The following PRDM16 variants were observed in gnomAD, a reference collection of about 807,000 sequenced individuals.
PRDM16 encodes PR/SET domain 16.
Under a neutral mutation model 110.6 loss-of-function variants are expected in PRDM16, and 23 were observed. The observed-to-expected ratio is 0.21, with a 90% CI of 0.15 to 0.29. The LOEUF is 0.29. Ranked by LOEUF, PRDM16 falls within the 10% of genes least tolerant of loss-of-function variation. The pLI is 1.00. For synonymous variants in PRDM16, 799 were observed against 781.8 expected (o/e 1.02, Z -0.37); for missense variants, 1,615 against 1,794.3 (o/e 0.90, Z 1.81).
At chr1:3,410,169 G>A (rs953281426) in intron 8 of PRDM16, among the ~76,000 whole-genome samples, 1 of 152,032 alleles carries the variant, frequency 6.6e-6, no homozygotes, top group African/African-American at 2.4e-5. Flanking sequence ...CTGTGTGTGT[G>A]CATGTGTAGA....
chr1:3,366,771 A>G (rs1409983133), intron 3 of PRDM16, among the ~76,000 whole-genome samples: 1 of 152,120 alleles, frequency 6.6e-6, no homozygotes, highest in Non-Finnish European at 1.5e-5. Flanking sequence ...GTTTATTATT[A>G]TTTATTTTAT....
chr1:3,159,655 C>T (rs1246423956), intron 1 of PRDM16, among the ~76,000 whole-genome samples: 2 of 152,186 alleles, frequency 1.3e-5, no homozygotes, highest in African/African-American at 2.4e-5. Flanking sequence ...TCAGCCCACA[C>T]GGGTGGGTGG....
At chr1:3,181,433 CACAAGCAGTCTT>C (rs1644179093) in intron 1 of PRDM16, among the ~76,000 whole-genome samples, 2 of 62,562 alleles carry the variant, frequency 3.2e-5, no homozygotes, top group African/African-American at 4.5e-5. Flanking sequence ...CGCGGTCTTA[CACAAGCAGTCTT>C]ACACGGTCTT....
In PRDM16 at chr1:3,425,948, C is replaced by T; in HGVS notation, c.3110-103C>T. On this transcript the variant is annotated intron_variant, in intron 13 of 16. Coordinates refer to ENST00000270722, the MANE Select transcript of PRDM16 (RefSeq NM_022114.4). The surrounding 1 kb of genome is among the most constrained non-coding windows in gnomAD (Gnocchi z 6.9). ...TCTCCGGTGTCCCTAAGAAACCTGC[C>T]TCCCTAACAGCACCCCAGGTGTACC... The T allele has an allele frequency of 7.3e-7, 1 of 1,367,608 alleles. No homozygotes were observed. The highest frequency in any genetic ancestry group is 9.9e-7 in the Non-Finnish European group (1 of 1,014,114). The allele number at this position is 1,367,608 out of a possible 1,614,324, so 84.7% of individuals were successfully genotyped here. A position where few individuals can be genotyped will look rare whatever the true frequency, so the allele number is the denominator to read the frequency against.
At position 3,277,183 on chromosome 1, in the gene PRDM16, G is replaced by A. The variant is rs183100276; in HGVS notation, c.438+33046G>A. 4.6e-5 allele frequency among the ~76,000 whole-genome samples: 7 copies of A among 152,310 alleles called. No homozygotes were observed. In the East Asian group the frequency reaches 1.4e-3, roughly 30 times the overall value. On this transcript the variant is annotated intron_variant, in intron 3 of 16. Coordinates refer to ENST00000270722, the MANE Select transcript of PRDM16 (RefSeq NM_022114.4). ...CCAGGAGGAGGCTTCGGGAGAGGCTGGGCCTGTGCTCAGGGCTGAGTGAGA... is the reference window on the plus strand; with the variant it reads ...CCAGGAGGAGGCTTCGGGAGAGGCTAGGCCTGTGCTCAGGGCTGAGTGAGA...
At chr1:3,135,889 C>T (rs549432862) in intron 1 of PRDM16, among the ~76,000 whole-genome samples, 14 of 152,224 alleles carry the variant, frequency 9.2e-5, no homozygotes, top group African/African-American at 1.4e-4. Context: ...TCCTTGTTGT[C>T]GCAGCCTACA....
At chr1:3,113,322 C>A (rs920651341) in intron 1 of PRDM16, among the ~76,000 whole-genome samples, 1 of 152,170 alleles carries the variant, frequency 6.6e-6, no homozygotes, top group East Asian at 1.9e-4. Context: ...GGAGACAGGA[C>A]GGCTAGGGGA....
intron 14 of PRDM16, among the ~76,000 whole-genome samples, chr1:3,427,428 G>A (rs994966760): frequency 2.6e-5 from 4 of 152,128 alleles, no homozygotes; most frequent in African/African-American, 9.7e-5. Context: ...ACTGGCCATG[G>A]GCGGTCTAAG....
intron 1 of PRDM16, among the ~76,000 whole-genome samples, chr1:3,075,141 C>T (rs112400055): frequency 6.6e-6 from 1 of 152,364 alleles, no homozygotes; most frequent in African/African-American, 2.4e-5. Context: ...GAACAATGCC[C>T]CGAGGCCTGA....
intron 1 of PRDM16, among the ~76,000 whole-genome samples, chr1:3,091,360 C>G (rs1642272234): frequency 6.6e-6 from 1 of 152,210 alleles, no homozygotes; most frequent in Non-Finnish European, 1.5e-5. Flanking sequence ...TGCAGCCAGG[C>G]CCGCACCGAG....
At chr1:3,114,203 G>GCGCGCACGCACGCA (rs144577517) in intron 1 of PRDM16, among the ~76,000 whole-genome samples, 1 of 117,612 alleles carries the variant, frequency 8.5e-6, no homozygotes, top group African/African-American at 3.3e-5. Flanking sequence ...GCACACGCAC[G>GCGCGCACGCACGCA]CACACACGCA....
chr1:3,256,264 C>T (rs72848051), intron 3 of PRDM16, among the ~76,000 whole-genome samples: 5 of 152,272 alleles, frequency 3.3e-5, no homozygotes, highest in East Asian at 1.9e-4. Context: ...GGGGCTGCTG[C>T]GGGCTGGGGG....
chr1:3,179,648 CG>C (rs1644127982), intron 1 of PRDM16, among the ~76,000 whole-genome samples: 1 of 152,240 alleles, frequency 6.6e-6, no homozygotes, highest in South Asian at 2.1e-4. Flanking sequence ...CCAGCAGGCC[CG>C]CATGGCACCG....
At chr1:3,074,616 T>A (rs758463318) in intron 1 of PRDM16, among the ~76,000 whole-genome samples, 4 of 152,212 alleles carry the variant, frequency 2.6e-5, no homozygotes, top group Admixed American at 6.5e-5. Flanking sequence ...GTGGGTGTTC[T>A]GTCCCCAAGG....
chr1:3,217,781 G>A (rs563714418), intron 2 of PRDM16, among the ~76,000 whole-genome samples: 3 of 152,260 alleles, frequency 2.0e-5, no homozygotes, highest in Non-Finnish European at 4.4e-5. Context: ...GAGGCCCTGC[G>A]AGTTTCATTT....
chr1:3,297,076 C>T (rs1641104670), intron 3 of PRDM16, among the ~76,000 whole-genome samples: 1 of 152,166 alleles, frequency 6.6e-6, no homozygotes, highest in Admixed American at 6.5e-5. Context: ...TGTGCGGTTT[C>T]CACTGAATGC....
intron 1 of PRDM16, among the ~76,000 whole-genome samples, chr1:3,129,929 A>C (rs550161672): frequency 1.3e-5 from 2 of 152,164 alleles, no homozygotes; most frequent in South Asian, 2.1e-4. Context: ...GGGCCCCAGC[A>C]GGGTCTCAGC....
intron 3 of PRDM16, among the ~76,000 whole-genome samples, chr1:3,313,018 G>A (rs1408401838): frequency 6.6e-6 from 1 of 152,210 alleles, no homozygotes; most frequent in Non-Finnish European, 1.5e-5. Flanking sequence ...AAGGGGCCGT[G>A]TTCCCAGTTG....
At chr1:3,282,169 C>A (rs1406626911) in intron 3 of PRDM16, among the ~76,000 whole-genome samples, 1 of 152,224 alleles carries the variant, frequency 6.6e-6, no homozygotes, top group East Asian at 1.9e-4. Flanking sequence ...CAGGCCTGAG[C>A]AGTGAGTTCC....
Sources: gnomAD v4.1 joint callset for allele counts (sites outside exome capture counted in the v4.1 genomes callset) on GRCh38, gnomAD v4.1.1 for gene constraint, Gnocchi (gnomAD v3.1) non-coding constraint, MANE v1.5 for transcripts, NCBI Gene and HGNC (gene_info 2026-07-23, HGNC 2026-07-21) for gene names.